The following AGBL4 variants were observed in gnomAD, a reference collection of about 807,000 sequenced individuals.
The protein encoded by AGBL4 is cytosolic carboxypeptidase 6.
Under a neutral mutation model 66.4 loss-of-function variants are expected in AGBL4, and 58 were observed. That is an observed-to-expected ratio of 0.87 (90% CI 0.71 to 1.09). The LOEUF is 1.09. Among genes scored for constraint, AGBL4 ranks in the 50% least tolerant of loss-of-function variants. AGBL4 has a pLI of 0.00. For missense variants in AGBL4, 579 were observed against 631.0 expected (o/e 0.92, Z 0.88); for synonymous variants, 234 against 222.9 (o/e 1.05, Z -0.44).
At chr1:48,795,561 C>T (rs1645654855) in intron 6 of AGBL4, among the ~76,000 whole-genome samples, 1 of 152,170 alleles carries the variant, frequency 6.6e-6, no homozygotes, top group Non-Finnish European at 1.5e-5. Flanking sequence ...GTATCACACC[C>T]AGAAAGTTGA....
At chr1:49,550,160 A>C (rs1444521173) in intron 3 of AGBL4, among the ~76,000 whole-genome samples, 1 of 152,270 alleles carries the variant, frequency 6.6e-6, no homozygotes, top group Admixed American at 6.5e-5. Context: ...TTTTAAGTTT[A>C]TGTGAGTCCT....
At chr1:48,654,234 C>T (rs1359487033) in intron 7 of AGBL4, among the ~76,000 whole-genome samples, 2 of 152,208 alleles carry the variant, frequency 1.3e-5, no homozygotes, top group African/African-American at 2.4e-5. Context: ...GCTACCATCA[C>T]ACCAGGCCTG....
intron 1 of AGBL4, among the ~76,000 whole-genome samples, chr1:49,975,750 G>A (rs977450494): frequency 6.6e-6 from 1 of 152,038 alleles, no homozygotes; most frequent in Non-Finnish European, 1.5e-5. Flanking sequence ...TACCTCATAG[G>A]ATCAATGAAA....
chr1:49,194,668 C>A (rs1247538434), intron 4 of AGBL4, among the ~76,000 whole-genome samples: 1 of 152,070 alleles, frequency 6.6e-6, no homozygotes, highest in Non-Finnish European at 1.5e-5. Flanking sequence ...TTGATTATAG[C>A]TCCCCACAGC....
intron 11 of AGBL4, among the ~76,000 whole-genome samples, chr1:48,542,951 A>G (rs1461866552): frequency 6.6e-6 from 1 of 152,196 alleles, no homozygotes; most frequent in Non-Finnish European, 1.5e-5. Flanking sequence ...ATACTGACTC[A>G]TTCAATTCTC....
At chr1:49,873,977 A>G (rs7544728) in intron 1 of AGBL4, among the ~76,000 whole-genome samples, 104,273 of 151,884 alleles carry the variant, frequency 0.69, 36,580 homozygotes, top group African/African-American at 0.79. Flanking sequence ...TACACTACAT[A>G]AAAACAAGAC....
chr1:49,253,366 A>C (rs1244082046), intron 3 of AGBL4, among the ~76,000 whole-genome samples: 1 of 152,224 alleles, frequency 6.6e-6, no homozygotes, highest in Non-Finnish European at 1.5e-5. Flanking sequence ...TATCCTAAAT[A>C]TATATGCACC....
intron 4 of AGBL4, among the ~76,000 whole-genome samples, chr1:49,150,963 T>A (rs1646315670): frequency 6.6e-6 from 1 of 152,048 alleles, no homozygotes; most frequent in Non-Finnish European, 1.5e-5. Context: ...AATTTAAAAC[T>A]CTCTTTAAAA....
chr1:49,036,141 A>C (rs1178080419), intron 5 of AGBL4, among the ~76,000 whole-genome samples: 1 of 152,098 alleles, frequency 6.6e-6, no homozygotes, highest in South Asian at 2.1e-4. Flanking sequence ...AACAGAAATA[A>C]ATTTAAATCA....
chr1:49,126,911 A>T (rs1402955696), intron 4 of AGBL4, among the ~76,000 whole-genome samples: 1 of 152,162 alleles, frequency 6.6e-6, no homozygotes, highest in African/African-American at 2.4e-5. Context: ...ACTGAAATCC[A>T]GCTCTGACTA....
At chr1:48,973,397 G>A (rs2813732) in intron 5 of AGBL4, among the ~76,000 whole-genome samples, 148,381 of 152,236 alleles carry the variant, frequency 0.97, 72,415 homozygotes, top group East Asian at 1. Flanking sequence ...AGGCAAAGAA[G>A]TAATAATAAT....
At chr1:49,655,616 T>A (rs1646110114) in intron 3 of AGBL4, among the ~76,000 whole-genome samples, 2 of 152,228 alleles carry the variant, frequency 1.3e-5, no homozygotes, top group Middle Eastern at 3.4e-3. Flanking sequence ...GATCTAAAAT[T>A]GACACCCTCA....
intron 2 of AGBL4, among the ~76,000 whole-genome samples, chr1:49,840,565 A>G (rs1464320951): frequency 1.3e-5 from 2 of 152,266 alleles, no homozygotes; most frequent in South Asian, 2.1e-4. Context: ...AGACATGACA[A>G]AGAAAGGAAA....
chr1:49,298,491 T>C (rs1390827335), intron 3 of AGBL4, among the ~76,000 whole-genome samples: 1 of 152,178 alleles, frequency 6.6e-6, no homozygotes, highest in Admixed American at 6.5e-5. Context: ...CCAGGAAGGA[T>C]ACAAGCTGGC....
At chr1:49,997,471 T>C (rs771680722) in intron 1 of AGBL4, among the ~76,000 whole-genome samples, 4 of 152,156 alleles carry the variant, frequency 2.6e-5, no homozygotes, top group Non-Finnish European at 4.4e-5. Flanking sequence ...AGGGACATTA[T>C]ATAACAATGA....
chr1:48,654,672 G>C (rs1570146079), intron 7 of AGBL4, among the ~76,000 whole-genome samples: 1 of 152,188 alleles, frequency 6.6e-6, no homozygotes, highest in African/African-American at 2.4e-5. Context: ...GGGTGACTAA[G>C]AACAAGTGCC....
At chr1:49,126,551 T>C (rs1266375031) in intron 4 of AGBL4, among the ~76,000 whole-genome samples, 2 of 152,154 alleles carry the variant, frequency 1.3e-5, no homozygotes, top group African/African-American at 2.4e-5. Flanking sequence ...AGAACTATTA[T>C]AAATAGGCAT....
intron 9 of AGBL4, among the ~76,000 whole-genome samples, chr1:48,605,232 A>G (rs1482190838): frequency 7.9e-5 from 12 of 152,222 alleles, no homozygotes; most frequent in Non-Finnish European, 2.9e-5. Context: ...GGGAGCCAAG[A>G]GCATGAATTA....
intron 5 of AGBL4, among the ~76,000 whole-genome samples, chr1:49,032,650 A>G (rs1294244761): frequency 1.3e-5 from 2 of 152,126 alleles, no homozygotes; most frequent in Non-Finnish European, 2.9e-5. Context: ...TGTGAGCAGG[A>G]TAGTGAGCCT....
Sources: gnomAD v4.1 joint callset for allele counts (sites outside exome capture counted in the v4.1 genomes callset) on GRCh38, gnomAD v4.1.1 for gene constraint, MANE v1.5 for transcripts, NCBI Gene and HGNC (gene_info 2026-07-23, HGNC 2026-07-21) for gene names.